DENND1A: variants seen among roughly 807,000 people sequenced by gnomAD.
The protein encoded by DENND1A is DENN domain containing 1A.
Under a neutral mutation model 113.7 loss-of-function variants are expected in DENND1A, and 51 were observed. That is an observed-to-expected ratio of 0.45 (90% CI 0.36 to 0.57). The LOEUF is 0.57. Ranked by LOEUF, DENND1A falls within the 20% of genes least tolerant of loss-of-function variation. DENND1A has a pLI of 0.00. For missense variants in DENND1A, 1,258 were observed against 1,395.9 expected, an observed-to-expected ratio of 0.90 and a Z score of 1.57; for synonymous variants, 565 against 570.8, an observed-to-expected ratio of 0.99 and a Z score of 0.14.
intron 19 of DENND1A, among the ~76,000 whole-genome samples, chr9:123,436,005 C>A (rs751901599): frequency 1.3e-5 from 2 of 152,200 alleles, no homozygotes; most frequent in Non-Finnish European, 2.9e-5. Context: ...CAGGGGTCCT[C>A]GGGAGGGAAG....
chr9:123,733,670 AT>A (rs747578846), intron 5 of DENND1A, among the ~76,000 whole-genome samples: 340 of 135,384 alleles, frequency 2.5e-3, no homozygotes, highest in East Asian at 5.7e-3. Flanking sequence ...CTTGTTGGTT[AT>A]TTTTTTTTTT....
At chr9:123,848,571 C>A (rs75363761) in intron 2 of DENND1A, among the ~76,000 whole-genome samples, 5,480 of 152,128 alleles carry the variant, frequency 0.036, 106 homozygotes, top group Middle Eastern at 0.048. Flanking sequence ...ACATTAAGCC[C>A]ATAATTCACC....
chr9:123,870,270 C>CTT (rs113651309), intron 2 of DENND1A, among the ~76,000 whole-genome samples: 125 of 139,336 alleles, frequency 9.0e-4, no homozygotes, highest in African/African-American at 2.5e-3. Flanking sequence ...TATTAATCAG[C>CTT]TTTTTTTTTT....
chr9:123,904,920 T>A (rs1852467567), intron 1 of DENND1A, among the ~76,000 whole-genome samples: 1 of 151,884 alleles, frequency 6.6e-6, no homozygotes, highest in African/African-American at 2.4e-5. Context: ...TTCACCAAAG[T>A]TGAAATGATG....
intron 8 of DENND1A, among the ~76,000 whole-genome samples, chr9:123,655,920 C>T (rs1210784547): frequency 1.3e-5 from 2 of 152,222 alleles, no homozygotes; most frequent in Non-Finnish European, 2.9e-5. Flanking sequence ...ATGTGCCTAG[C>T]ACCCTCCTGG....
intron 8 of DENND1A, among the ~76,000 whole-genome samples, chr9:123,655,110 G>A (rs961308747): frequency 3.3e-5 from 5 of 152,120 alleles, no homozygotes; most frequent in African/African-American, 1.2e-4. Context: ...GAGGACACCC[G>A]CTTACTTTTC....
At chr9:123,629,994 C>T (rs2061405213) in intron 10 of DENND1A, among the ~76,000 whole-genome samples, 2 of 152,028 alleles carry the variant, frequency 1.3e-5, no homozygotes, top group Admixed American at 1.3e-4. Flanking sequence ...ATGAAAGGGC[C>T]GTGCAATCAG....
intron 8 of DENND1A, among the ~76,000 whole-genome samples, chr9:123,655,699 T>C (rs1333272465): frequency 1.3e-5 from 2 of 152,136 alleles, no homozygotes; most frequent in Non-Finnish European, 2.9e-5. Context: ...ATTTCTCCGA[T>C]GGGTAAGATC....
chr9:123,398,796 A>ATT (rs921037252), intron 21 of DENND1A, among the ~76,000 whole-genome samples: 27 of 135,990 alleles, frequency 2.0e-4, no homozygotes, highest in Non-Finnish European at 3.0e-4. Context: ...ACCACACAGC[A>ATT]TTTTTTTTTT....
chr9:123,904,174 A>T (rs999334430), intron 1 of DENND1A, among the ~76,000 whole-genome samples: 1 of 152,228 alleles, frequency 6.6e-6, no homozygotes, highest in Non-Finnish European at 1.5e-5. Flanking sequence ...GTCTGTTAGA[A>T]GGAAAACTAA....
chr9:123,928,000 C>T (rs370970129), intron 1 of DENND1A, among the ~76,000 whole-genome samples: 2 of 152,220 alleles, frequency 1.3e-5, no homozygotes, highest in African/African-American at 2.4e-5. Context: ...TATTCTCTTT[C>T]GGTTTCACCA....
At chr9:123,520,163 AAAAAAAAAAAAG>A in intron 13 of DENND1A, among the ~76,000 whole-genome samples, 1 of 150,558 alleles carries the variant, frequency 6.6e-6, no homozygotes, top group South Asian at 2.1e-4. Flanking sequence ...AAAAAAAAAA[AAAAAAAAAAAAG>A]GCCACCTGTG....
Position 123,737,255 on chromosome 9 carries a change from T to G in DENND1A, c.302+20448A>C, listed in dbSNP as rs374736811. Among the ~76,000 whole-genome samples the G allele has an allele frequency of 3.1e-3, 471 of 152,258 alleles. 2 individuals carry two copies. Among genetic ancestry groups the G allele is most frequent in the African/African-American group, 0.011 (451 of 41,558 alleles). On this transcript the variant is annotated intron_variant, in intron 5 of 23. Coordinates refer to ENST00000394215, the MANE Select transcript of DENND1A (RefSeq NM_001352964.2). Reference sequence around the variant, plus strand: ...TGTCGCCCACACTGGAGTGCAGTGGTGCAATCATAGCTCACTGCATCCTTG... The same window carrying G: ...TGTCGCCCACACTGGAGTGCAGTGGGGCAATCATAGCTCACTGCATCCTTG...
Position 123,583,230 on chromosome 9 carries a change from T to G in DENND1A, c.806A>C (p.Asn269Thr), listed in dbSNP as rs1341021356. ...GGTTTCCAGGGTGTTGGTGTCCACA[T>G]TCAGGATCACGACATCATCCAGGGC... ...NMALDDVVIL[N>T]VDTNTLETPF... is the part of the protein sequence containing the mutation. The change falls in exon 12 of 24, where the codon AAT becomes ACT. Residue 269 changes from asparagine to threonine, a missense_variant. Coordinates refer to ENST00000394215, the MANE Select transcript of DENND1A (RefSeq NM_001352964.2). 1 of 1,612,684 alleles carries G rather than the reference T, an allele frequency of 6.2e-7. No homozygotes were observed. The highest frequency in any genetic ancestry group is 8.5e-7 in the Non-Finnish European group (1 of 1,179,392).
At chr9:123,701,134 T>A (rs2065860290) in intron 5 of DENND1A, among the ~76,000 whole-genome samples, 1 of 152,180 alleles carries the variant, frequency 6.6e-6, no homozygotes. Flanking sequence ...TCTTAAGTTA[T>A]GCAGAGATTT....
chr9:123,914,354 C>A (rs1306152202), intron 1 of DENND1A, among the ~76,000 whole-genome samples: 1 of 151,624 alleles, frequency 6.6e-6, no homozygotes, highest in South Asian at 2.1e-4. Flanking sequence ...CTGGCTAACA[C>A]AGTGAAACCC....
chr9:123,438,653 T>C (rs1158036780), intron 19 of DENND1A, among the ~76,000 whole-genome samples: 1 of 151,946 alleles, frequency 6.6e-6, no homozygotes, highest in African/African-American at 2.4e-5. Flanking sequence ...GTGAGGGAAG[T>C]GACAAACAGG....
intron 1 of DENND1A, among the ~76,000 whole-genome samples, chr9:123,914,388 A>C (rs536898511): frequency 1.2e-4 from 18 of 151,800 alleles, no homozygotes; most frequent in African/African-American, 4.3e-4. Flanking sequence ...AATACAAAAA[A>C]AAATTAGCCG....
chr9:123,734,214 C>A (rs531226867), intron 5 of DENND1A, among the ~76,000 whole-genome samples: 5 of 152,236 alleles, frequency 3.3e-5, no homozygotes, highest in Admixed American at 1.3e-4. Flanking sequence ...TATGGAAATA[C>A]AGGATGTTAC....
Sources: allele counts gnomAD v4.1 joint callset (sites outside exome capture counted in the v4.1 genomes callset), GRCh38; gene constraint gnomAD v4.1.1; transcripts MANE v1.5; gene names NCBI Gene and HGNC (gene_info 2026-07-23, HGNC 2026-07-21).